Variants in NDST4 observed in about 807,000 individuals in gnomAD.
NDST4 encodes N-deacetylase and N-sulfotransferase 4.
NDST4 carries 63 observed loss-of-function variants against 100.8 expected under a neutral mutation model. That is an observed-to-expected ratio of 0.62 (90% CI 0.51 to 0.77). NDST4 has a LOEUF of 0.77. Among genes scored for constraint, NDST4 ranks in the 30% least tolerant of loss-of-function variants. The pLI is 0.00. For missense variants in NDST4, 943 were observed against 1,018.4 expected (o/e 0.93, Z 1.01); for synonymous variants, 377 against 361.8 (o/e 1.04, Z -0.48).
In NDST4 at chr4:114,956,373, G is replaced by C. The variant is rs560237638; in HGVS notation, c.1221+14057C>G. Reference sequence around the variant, plus strand: ...ACAGTGTGAAGAACTTTCAGCCTAAGCTCACTCTCAAACAGTAGAGATTTT... The same window carrying C: ...ACAGTGTGAAGAACTTTCAGCCTAACCTCACTCTCAAACAGTAGAGATTTT... On this transcript the variant is annotated intron_variant, in intron 4 of 13. Coordinates refer to ENST00000264363, the MANE Select transcript of NDST4 (RefSeq NM_022569.3). Among the ~76,000 whole-genome samples the C allele has an allele frequency of 3.9e-5, 6 of 152,284 alleles. No homozygotes were observed. In the East Asian group the frequency reaches 1.2e-3, roughly 29 times the overall value.
At chr4:114,883,244 A>G (rs1306204934) in intron 6 of NDST4, among the ~76,000 whole-genome samples, 3 of 152,092 alleles carry the variant, frequency 2.0e-5, no homozygotes, top group Admixed American at 6.6e-5. Context: ...AATAAAAGTA[A>G]TGCATTGGGT....
At chr4:114,988,651 A>G (rs1480689655) in intron 2 of NDST4, among the ~76,000 whole-genome samples, 2 of 151,932 alleles carry the variant, frequency 1.3e-5, no homozygotes, top group Non-Finnish European at 1.5e-5. Context: ...GTGAGCCACC[A>G]TGCCCGGCCT....
intron 2 of NDST4, among the ~76,000 whole-genome samples, chr4:115,075,664 A>G (rs1480033718): frequency 6.6e-6 from 1 of 151,658 alleles, no homozygotes; most frequent in Non-Finnish European, 1.5e-5. Flanking sequence ...AGGCACCTGT[A>G]ATCCCAGCTA....
chr4:114,855,355 A>C (rs1403249130), intron 7 of NDST4, among the ~76,000 whole-genome samples: 2 of 152,108 alleles, frequency 1.3e-5, no homozygotes, highest in Non-Finnish European at 2.9e-5. Flanking sequence ...GCCCAGACTA[A>C]ATGTCTTGGG....
At chr4:114,994,673 T>G (rs1157137926) in intron 2 of NDST4, among the ~76,000 whole-genome samples, 1 of 152,028 alleles carries the variant, frequency 6.6e-6, no homozygotes, top group African/African-American at 2.4e-5. Flanking sequence ...CGAACCATTG[T>G]ATACAGCTGG....
intron 2 of NDST4, among the ~76,000 whole-genome samples, chr4:115,058,810 A>G (rs1437930330): frequency 6.6e-6 from 1 of 152,070 alleles, no homozygotes; most frequent in Non-Finnish European, 1.5e-5. Context: ...CAGGAGCTCC[A>G]AACTTTTATT....
intron 13 of NDST4, among the ~76,000 whole-genome samples, chr4:114,829,327 A>C (rs1034034188): frequency 1.3e-5 from 2 of 152,112 alleles, no homozygotes; most frequent in African/African-American, 4.8e-5. Context: ...AAATCAGTGG[A>C]TATAACTAAT....
At chr4:115,098,009 C>G (rs514133) in intron 1 of NDST4, among the ~76,000 whole-genome samples, 117,422 of 152,062 alleles carry the variant, frequency 0.77, 46,003 homozygotes, top group African/African-American at 0.89. Flanking sequence ...TCCGGTTTCC[C>G]GGTGCAAAAT....
chr4:114,934,546 T>C (rs1453198798), intron 6 of NDST4, among the ~76,000 whole-genome samples: 3 of 141,800 alleles, frequency 2.1e-5, no homozygotes, highest in Non-Finnish European at 4.5e-5. Context: ...AGAGCGAGAC[T>C]GCCTCTCAAA....
Position 115,014,895 on chromosome 4 carries a change from G to A in NDST4, c.979-37621C>T, listed in dbSNP as rs75686839. Among the ~76,000 whole-genome samples, 811 of 152,142 alleles carry A rather than the reference G, an allele frequency of 5.3e-3. 10 individuals are homozygous for A. Among genetic ancestry groups the A allele is most frequent in the African/African-American group, 0.019 (777 of 41,546 alleles). Reference sequence around the variant, plus strand: ...TGAGCATTGGCTTGTTGATCATAGAGCTCCTAAAAGTAAAAGAGATAGATG... The same window carrying A: ...TGAGCATTGGCTTGTTGATCATAGAACTCCTAAAAGTAAAAGAGATAGATG... On this transcript the variant is annotated intron_variant, in intron 2 of 13. Coordinates refer to ENST00000264363, the MANE Select transcript of NDST4 (RefSeq NM_022569.3).
intron 8 of NDST4, among the ~76,000 whole-genome samples, chr4:114,849,142 A>T (rs1454030455): frequency 6.6e-6 from 1 of 152,264 alleles, no homozygotes; most frequent in Non-Finnish European, 1.5e-5. Flanking sequence ...TAGATAGAGC[A>T]GACTGGCTGA....
chr4:114,938,235 T>C (rs1725675315), intron 4 of NDST4, among the ~76,000 whole-genome samples: 1 of 152,196 alleles, frequency 6.6e-6, no homozygotes, highest in Non-Finnish European at 1.5e-5. Context: ...ATGTTTTAGA[T>C]ACCCAGGGTA....
chr4:114,929,571 T>G (rs1323502656), intron 6 of NDST4, among the ~76,000 whole-genome samples: 1 of 152,208 alleles, frequency 6.6e-6, no homozygotes, highest in East Asian at 1.9e-4. Flanking sequence ...AGTTTGTGAC[T>G]GGATAGATGA....
intron 6 of NDST4, among the ~76,000 whole-genome samples, chr4:114,890,223 T>G (rs1301165301): frequency 3.3e-5 from 5 of 152,116 alleles, no homozygotes; most frequent in Admixed American, 3.3e-4. Flanking sequence ...TCTTTTTTTG[T>G]AGACTCCACA....
chr4:115,030,279 A>G (rs1728086978), intron 2 of NDST4, among the ~76,000 whole-genome samples: 1 of 152,160 alleles, frequency 6.6e-6, no homozygotes, highest in Non-Finnish European at 1.5e-5. Context: ...ATAAAAATAT[A>G]CAAAATGTGG....
At chr4:114,935,399 A>G in intron 5 of NDST4, 65 bp from the exon 6 acceptor site, 1 of 1,392,518 alleles carries the variant, frequency 7.2e-7, no homozygotes, top group Non-Finnish European at 9.5e-7. Context: ...CCTGTGTCTC[A>G]TAACTTTAGA....
At chr4:115,099,779 G>GTCA (rs1560600182) in intron 1 of NDST4, among the ~76,000 whole-genome samples, 1 of 152,044 alleles carries the variant, frequency 6.6e-6, no homozygotes, top group Non-Finnish European at 1.5e-5. Flanking sequence ...GCTAAACATA[G>GTCA]TCATATTATC....
intron 6 of NDST4, among the ~76,000 whole-genome samples, chr4:114,914,387 A>T (rs1725125514): frequency 6.6e-6 from 1 of 152,128 alleles, no homozygotes; most frequent in Admixed American, 6.6e-5. Flanking sequence ...ACATGATGTG[A>T]TTTTTATGCA....
At chr4:115,098,143 T>C (rs908844547) in intron 1 of NDST4, among the ~76,000 whole-genome samples, 2 of 152,164 alleles carry the variant, frequency 1.3e-5, no homozygotes, top group African/African-American at 4.8e-5. Flanking sequence ...AAATGCAAAC[T>C]CTTTGAAGCT....
Sources: gnomAD v4.1 joint callset for allele counts (sites outside exome capture counted in the v4.1 genomes callset) on GRCh38, gnomAD v4.1.1 for gene constraint, MANE v1.5 for transcripts, NCBI Gene and HGNC (gene_info 2026-07-23, HGNC 2026-07-21) for gene names.